Variants in TMPRSS2 observed in about 807,000 individuals in gnomAD.
The protein encoded by TMPRSS2 is transmembrane protease serine 2.
Under a neutral mutation model 67.4 loss-of-function variants are expected in TMPRSS2, and 59 were observed. The observed-to-expected ratio is 0.88, with a 90% confidence interval of 0.71 to 1.09. The LOEUF is 1.09. Among genes scored for constraint, TMPRSS2 ranks in the 50% least tolerant of loss-of-function variants. The pLI is 0.00. For missense variants in TMPRSS2, 668 were observed against 642.7 expected, an observed-to-expected ratio of 1.04 and a Z score of -0.43; for synonymous variants, 257 against 257.0, an observed-to-expected ratio of 1.00 and a Z score of 0.00.
chr21:41,485,445 C>T (rs1022236690), intron 5 of TMPRSS2, among the ~76,000 whole-genome samples: 3 of 151,794 alleles, frequency 2.0e-5, no homozygotes, highest in Admixed American at 6.6e-5. Context: ...GTCAGGAGTT[C>T]GAGACCAGTC....
chr21:41,465,674 C>T lies in TMPRSS2; in HGVS notation c.*468G>A. The T allele has an allele frequency of 4.1e-6, 1 of 245,152 alleles. No individual in the cohort carries two copies. 15.2% of individuals were successfully genotyped at this position (245,152 alleles called of 1,614,324 possible). A position where few individuals can be genotyped will look rare whatever the true frequency, so the allele number is the denominator to read the frequency against. On this transcript the variant is annotated 3_prime_UTR_variant, in exon 14 of 14. Coordinates refer to ENST00000332149, the MANE Select transcript of TMPRSS2 (RefSeq NM_005656.4). ...GGCTCTAAGAACCCATCAGCAAAAT[C>T]CCCTTGTGGAGAGGTAGGCTGGGGA...
In TMPRSS2 at chr21:41,498,115, T is replaced by C. The variant is rs1219052388; in HGVS notation, c.15+4A>G. 6.2e-7 allele frequency: 1 copy of C among 1,604,452 alleles called. No individual in the cohort carries two copies. The highest frequency in any genetic ancestry group is 8.5e-7 in the Non-Finnish European group (1 of 1,171,858). On this transcript the variant is annotated splice_donor_region_variant and intron_variant, in intron 2 of 13. Transcript: ENST00000332149. Reference sequence around the variant, plus strand: ...GGCCAGGAAGGTAATAATTAACCACTTACTGAGTTCAAAGCCATCTTGCTG... The same window carrying C: ...GGCCAGGAAGGTAATAATTAACCACCTACTGAGTTCAAAGCCATCTTGCTG...
chr21:41,477,916 C>G (rs187723495), intron 7 of TMPRSS2, among the ~76,000 whole-genome samples: 47 of 152,198 alleles, frequency 3.1e-4, no homozygotes, highest in Non-Finnish European at 4.6e-4. Flanking sequence ...TAGAGCCTAC[C>G]AGACAATGGC....
intron 9 of TMPRSS2, 131 bp downstream of exon 9, chr21:41,473,194 A>G: frequency 9.4e-7 from 1 of 1,060,824 alleles, no homozygotes; most frequent in Non-Finnish European, 1.3e-6. Context: ...AGCCCTAGGA[A>G]GCAGGTGCAA....
chr21:41,476,436 C>T (rs1402909026), intron 8 of TMPRSS2, 141 bp downstream of exon 8: 14 of 763,354 alleles, frequency 1.8e-5, no homozygotes, highest in South Asian at 3.3e-5. Flanking sequence ...TTGGAAAGAG[C>T]GAGACGCCGC....
rs2146425357 is a variant in TMPRSS2, at chr21:41,470,694, T to C, written c.1125A>G (p.Pro375=). Residue 375 remains proline (P), a synonymous_variant, in exon 11 of 14, where the codon CCA becomes CCG. Coordinates refer to ENST00000332149, the MANE Select transcript of TMPRSS2 (RefSeq NM_005656.4). ...CLPNPGMMLQ[P]EQLCWISGWG... is the part of the protein sequence containing the mutation. ...ACCCGGAAATCCAGCAGAGCTGTTC[T>C]GGCTGCAGCATCATGCCTGGGTTGG... is the stretch of plus-strand genomic sequence containing the variant. The C allele has an allele frequency of 2.5e-6, 4 of 1,613,752 alleles. No homozygotes were observed. Among genetic ancestry groups the C allele is most frequent in the East Asian group, 2.2e-5 (1 of 44,892 alleles).
intron 1 of TMPRSS2, chr21:41,502,641 T>C (rs2146506959): frequency 1.0e-6 from 1 of 963,822 alleles, no homozygotes; most frequent in Non-Finnish European, 1.2e-6. Flanking sequence ...ATAGAATGCA[T>C]GACTAAATGA....
intron 8 of TMPRSS2, among the ~76,000 whole-genome samples, chr21:41,475,395 G>C (rs1729866012): frequency 1.8e-5 from 1 of 55,568 alleles, no homozygotes; most frequent in Non-Finnish European, 3.1e-5. Flanking sequence ...GGGGTGAGGG[G>C]TTGAGTGAGG....
chr21:41,496,749 G>A lies in TMPRSS2; in HGVS notation c.15+1370C>T, dbSNP rs566146941. 9.5e-5 allele frequency among the ~76,000 whole-genome samples: 14 copies of A among 147,936 alleles called. No homozygotes were observed. In the South Asian group the frequency reaches 2.4e-3, roughly 25 times the overall value. ...TGGCTGGGCCACTCTGGGAGGCCAC[G>A]TTTTCCTCTTATCTGTATCTAAGGG... On this transcript the variant is annotated intron_variant, in intron 2 of 13. Coordinates refer to ENST00000332149, the MANE Select transcript of TMPRSS2 (RefSeq NM_005656.4).
chr21:41,491,183 G>A (rs1291800766), intron 3 of TMPRSS2, among the ~76,000 whole-genome samples: 2 of 136,614 alleles, frequency 1.5e-5, no homozygotes, highest in African/African-American at 5.7e-5. Flanking sequence ...TTTGAGACAG[G>A]GTCTTGCTTG....
At chr21:41,466,232 C>T (rs569577322) in intron 13 of TMPRSS2, 79 bp from the exon 14 acceptor site, 15 of 1,465,656 alleles carry the variant, frequency 1.0e-5, no homozygotes, top group South Asian at 2.3e-5. Context: ...CCTCTAGGTT[C>T]GCATGAAGCA....
In TMPRSS2 at chr21:41,470,389, C is replaced by T. The variant is rs1026775432; in HGVS notation, c.1171+259G>A. ...ACAGGAGATCCTGCACCTCTAAACT[C>T]GTATGGCCCAGATACTTCAAAAGCC... On this transcript the variant is annotated intron_variant, in intron 11 of 13. Transcript: ENST00000332149. Among the ~76,000 whole-genome samples the T allele has an allele frequency of 8.5e-5, 13 of 152,286 alleles. No individual in the cohort carries two copies. The East Asian group carries it at 1.4e-3, about 16-fold the overall frequency.
At chr21:41,498,278 T>G in intron 1 of TMPRSS2, 89 bp from the exon 2 acceptor site, 1 of 879,126 alleles carries the variant, frequency 1.1e-6, no homozygotes, top group Non-Finnish European at 1.8e-6. Context: ...AATCTCTAGA[T>G]GAAGGTTACC....
At position 41,468,429 on chromosome 21, in the gene TMPRSS2, G is replaced by A. The variant is rs371012018; in HGVS notation, c.1281C>T (p.Ala427=). The change falls in exon 12 of 14, where the codon GCC becomes GCT. Residue 427 remains alanine (A), a synonymous_variant. Transcript: ENST00000332149. ...AATCGACGTTCCCCTGCAGGAAGCC[G>A]GCACAGATCATGGCTGGTGTGATCA... ...DNLITPAMIC[A]GFLQGNVDSC... is the part of the protein sequence containing the mutation. 48 of 1,614,130 alleles carry A rather than the reference G, an allele frequency of 3.0e-5. No individual in the cohort carries two copies. Among genetic ancestry groups the A allele is most frequent in the South Asian group, 2.2e-4 (20 of 91,080 alleles).
chr21:41,506,964 C>T (rs1383779056), intron 1 of TMPRSS2, among the ~76,000 whole-genome samples: 1 of 152,186 alleles, frequency 6.6e-6, no homozygotes, highest in East Asian at 1.9e-4. Context: ...CCTGGGTGCT[C>T]CCTGCCCACA....
chr21:41,493,850 C>G (rs2091357060), intron 3 of TMPRSS2, among the ~76,000 whole-genome samples: 1 of 152,254 alleles, frequency 6.6e-6, no homozygotes, highest in Non-Finnish European at 1.5e-5. Flanking sequence ...CCCGCAGGAC[C>G]CTGAAGCCCA....
At chr21:41,493,934 G>A (rs1432795957) in intron 3 of TMPRSS2, among the ~76,000 whole-genome samples, 2 of 152,240 alleles carry the variant, frequency 1.3e-5, no homozygotes, top group African/African-American at 4.8e-5. Context: ...GTAACAGAGA[G>A]CATCTTAAAC....
rs769558035 is a variant in TMPRSS2 at position 41,497,177 on chromosome 21, A to G, written c.15+942T>C. Among the ~76,000 whole-genome samples the G allele has an allele frequency of 2.0e-5, 3 of 152,072 alleles. No individual in the cohort carries two copies. The East Asian group carries it at 5.8e-4, about 29-fold the overall frequency. On this transcript the variant is annotated intron_variant, in intron 2 of 13. Coordinates refer to ENST00000332149, the MANE Select transcript of TMPRSS2 (RefSeq NM_005656.4). Reference sequence around the variant, plus strand: ...CTTATTGACCTCAGAGAATGACAGCAAGTTTGTACTCAATGGACAGGTGTT... The same window carrying G: ...CTTATTGACCTCAGAGAATGACAGCGAGTTTGTACTCAATGGACAGGTGTT...
At chr21:41,479,074 A>G in intron 7 of TMPRSS2, 98 bp downstream of exon 7, 1 of 927,494 alleles carries the variant, frequency 1.1e-6, no homozygotes, top group Admixed American at 2.0e-5. Context: ...CAGACCGAGT[A>G]TTGCAGCTCA....
Sources: allele counts gnomAD v4.1 joint callset (sites outside exome capture counted in the v4.1 genomes callset), GRCh38; gene constraint gnomAD v4.1.1; transcripts MANE v1.5; gene names NCBI Gene and HGNC (gene_info 2026-07-23, HGNC 2026-07-21).